Variants in GPAT4 observed in about 807,000 individuals in gnomAD.
GPAT4 encodes the protein 1-AGP acyltransferase 6.
Under a neutral mutation model 58.0 loss-of-function variants are expected in GPAT4, and 17 were observed. The ratio of observed to expected loss-of-function variants is 0.29; its 90% CI spans 0.20 to 0.44. The LOEUF (loss-of-function observed/expected upper bound fraction) is 0.44. Among genes scored for constraint, GPAT4 ranks in the 20% least tolerant of loss-of-function variants. The probability of loss-of-function intolerance (pLI) is 1.00; values close to 1 mark genes in which losing one functional copy is unlikely to be tolerated. For missense variants in GPAT4, 377 were observed against 574.5 expected (o/e 0.66, Z 3.51); for synonymous variants, 204 against 210.1 (o/e 0.97, Z 0.25).
intron 2 of GPAT4, 48 bp from the exon 3 acceptor site, chr8:41,609,368 A>G: frequency 6.4e-7 from 1 of 1,573,476 alleles, no homozygotes; most frequent in African/African-American, 1.4e-5. Flanking sequence ...CACTGATTGA[A>G]AACAGGTCTC....
At chr8:41,596,845 G>T (rs117492832) in intron 1 of GPAT4, among the ~76,000 whole-genome samples, 1 of 152,226 alleles carries the variant, frequency 6.6e-6, no homozygotes, top group Non-Finnish European at 1.5e-5. Context: ...GGGAGCATCA[G>T]TGGACTCACG....
At position 41,600,540 on chromosome 8, in the gene GPAT4, C is replaced by T. The variant is rs543603403; in HGVS notation, c.165+1236C>T. On this transcript the variant is annotated intron_variant, in intron 2 of 12. Coordinates refer to ENST00000396987, the MANE Select transcript of GPAT4 (RefSeq NM_178819.4). ...ATATTTTTTATGTTTGTCATTGAAT[C>T]TTGGGTTTTTTCTTTTTTGGTACTT... is the stretch of plus-strand genomic sequence containing the variant. 2.7e-5 allele frequency among the ~76,000 whole-genome samples: 4 copies of T among 148,816 alleles called. No individual in the cohort carries two copies. The South Asian group carries it at 8.4e-4, about 31-fold the overall frequency.
At chr8:41,588,649 C>T (rs934106290) in intron 1 of GPAT4, among the ~76,000 whole-genome samples, 3 of 152,100 alleles carry the variant, frequency 2.0e-5, no homozygotes, top group Admixed American at 1.3e-4. Context: ...ATCTTTTCAC[C>T]GCTGAACAAC....
chr8:41,587,103 G>A (rs1454015593), intron 1 of GPAT4, among the ~76,000 whole-genome samples: 1 of 152,216 alleles, frequency 6.6e-6, no homozygotes, highest in Non-Finnish European at 1.5e-5. Context: ...ATTACTGTGA[G>A]AGTCTCAGTT....
At position 41,598,412 on chromosome 8, in the gene GPAT4, A is replaced by C. The variant is rs1802988023; in HGVS notation, c.-728A>C. The C allele has an allele frequency of 6.6e-6, 1 of 152,200 alleles. No homozygotes were observed. The highest frequency in any genetic ancestry group is 1.5e-5 in the Non-Finnish European group (1 of 68,050). 9.4% of individuals were successfully genotyped at this position (152,200 alleles called of 1,614,324 possible). A position where few individuals can be genotyped will look rare whatever the true frequency, so the allele number is the denominator to read the frequency against. On this transcript the variant is annotated 5_prime_UTR_variant, in exon 2 of 13. Transcript: ENST00000396987. ...AGATGCATCTGGAGTTACACTCAGCACTCGCAGTATGAGACATTGTGTGCC... is the reference window on the plus strand; with the variant it reads ...AGATGCATCTGGAGTTACACTCAGCCCTCGCAGTATGAGACATTGTGTGCC...
At chr8:41,582,121 T>G (rs564456526) in intron 1 of GPAT4, among the ~76,000 whole-genome samples, 142 of 142,912 alleles carry the variant, frequency 9.9e-4, no homozygotes, top group African/African-American at 3.5e-3. Context: ...ATGATTTCCC[T>G]ATCTCCCAAG....
chr8:41,602,905 G>A (rs1024589537), intron 2 of GPAT4, among the ~76,000 whole-genome samples: 2 of 152,106 alleles, frequency 1.3e-5, no homozygotes, highest in Non-Finnish European at 2.9e-5. Flanking sequence ...GCAGAGGGAT[G>A]AGGGAGCCCT....
chr8:41,588,515 CTTCTT>C (rs1186829804), intron 1 of GPAT4, among the ~76,000 whole-genome samples: 1 of 150,612 alleles, frequency 6.6e-6, no homozygotes, highest in Non-Finnish European at 1.5e-5. Context: ...TCTCTTTTCT[CTTCTT>C]TTCTTTTCCT....
chr8:41,600,394 C>CT (rs1318155045), intron 2 of GPAT4, among the ~76,000 whole-genome samples: 1 of 152,042 alleles, frequency 6.6e-6, no homozygotes, highest in Non-Finnish European at 1.5e-5. Context: ...TCTTTGGTTC[C>CT]TTATAATTCT....
intron 1 of GPAT4, among the ~76,000 whole-genome samples, chr8:41,591,682 A>G (rs957069393): frequency 6.6e-6 from 1 of 152,230 alleles, no homozygotes; most frequent in African/African-American, 2.4e-5. Context: ...AAATCCTCCT[A>G]GCACTGGGAA....
Position 41,607,435 on chromosome 8 carries a change from C to A in GPAT4, c.166-1981C>A, listed in dbSNP as rs1803310326. 2.6e-5 allele frequency among the ~76,000 whole-genome samples: 4 copies of A among 152,296 alleles called. No homozygotes were observed. The South Asian group carries it at 8.3e-4, about 32-fold the overall frequency. On this transcript the variant is annotated intron_variant, in intron 2 of 12. Transcript: ENST00000396987. ...CTTGAATTTTGCACATTGAAACAAT[C>A]CTCAGACTGAAATTGTCATCTGAGA...
intron 1 of GPAT4, among the ~76,000 whole-genome samples, chr8:41,581,992 G>GGT (rs1802524955): frequency 1.3e-5 from 1 of 78,758 alleles, no homozygotes; most frequent in African/African-American, 4.8e-5. Context: ...GAAGTTCAAT[G>GGT]ATTTTTTTTT....
chr8:41,591,532 A>C (rs975942470), intron 1 of GPAT4, among the ~76,000 whole-genome samples: 8 of 152,376 alleles, frequency 5.3e-5, no homozygotes, highest in Non-Finnish European at 1.0e-4. Flanking sequence ...ATAGTGATTC[A>C]TATAGTACAC....
intron 1 of GPAT4, among the ~76,000 whole-genome samples, chr8:41,585,073 G>A (rs1200590411): frequency 6.6e-6 from 1 of 152,182 alleles, no homozygotes; most frequent in East Asian, 1.9e-4. Flanking sequence ...TTGGAAACAT[G>A]CAGTTTCCCC....
intron 2 of GPAT4, among the ~76,000 whole-genome samples, chr8:41,605,711 T>C (rs1803244403): frequency 6.6e-6 from 1 of 152,132 alleles, no homozygotes; most frequent in African/African-American, 2.4e-5. Flanking sequence ...TAGTTGGGGT[T>C]ACAGGCCTGT....
Position 41,608,495 on chromosome 8 carries a change from C to T in GPAT4, c.166-921C>T, listed in dbSNP as rs533539162. ...TAAGTGCACCCATGTTTTCACCTCT[C>T]ATTTGATAGTGGGAGAGAACCAGCC... On this transcript the variant is annotated intron_variant, in intron 2 of 12. Coordinates refer to ENST00000396987, the MANE Select transcript of GPAT4 (RefSeq NM_178819.4). 1.7e-3 allele frequency among the ~76,000 whole-genome samples: 253 copies of T among 152,370 alleles called. 1 individual carries two copies. Among genetic ancestry groups the T allele is most frequent in the African/African-American group, 5.9e-3 (246 of 41,578 alleles).
At chr8:41,580,787 T>C (rs949020976) in intron 1 of GPAT4, among the ~76,000 whole-genome samples, 1 of 152,184 alleles carries the variant, frequency 6.6e-6, no homozygotes, top group African/African-American at 2.4e-5. Flanking sequence ...TGGTAAATCA[T>C]TACCCCTAAA....
At chr8:41,601,205 C>G (rs1185545704) in intron 2 of GPAT4, among the ~76,000 whole-genome samples, 1 of 152,050 alleles carries the variant, frequency 6.6e-6, no homozygotes, top group Non-Finnish European at 1.5e-5. Context: ...TGGAGAGCAG[C>G]TGCATGAGCA....
intron 12 of GPAT4, chr8:41,619,200 C>T: frequency 1.7e-6 from 1 of 598,260 alleles, no homozygotes; most frequent in African/African-American, 1.9e-5. Flanking sequence ...ATTCTGTGTA[C>T]CTTTCTGGGG....
Sources: gnomAD v4.1 joint callset for allele counts (sites outside exome capture counted in the v4.1 genomes callset) on GRCh38, gnomAD v4.1.1 for gene constraint, MANE v1.5 for transcripts, NCBI Gene and HGNC (gene_info 2026-07-23, HGNC 2026-07-21) for gene names.